The following GMDS variants were observed in gnomAD, a reference collection of about 807,000 sequenced individuals.
GMDS encodes GDP-mannose 4,6-dehydratase, also known as GDP-mannose 4,6 dehydratase.
Under a neutral mutation model 49.9 loss-of-function variants are expected in GMDS, and 20 were observed. The observed-to-expected ratio is 0.40, with a 90% CI of 0.28 to 0.58. GMDS has a LOEUF of 0.58. Ranked by LOEUF, GMDS falls within the 20% of genes least tolerant of loss-of-function variation. The probability of loss-of-function intolerance (pLI) is 0.42; values close to 1 mark genes in which losing one functional copy is unlikely to be tolerated. For missense variants in GMDS, 362 were observed against 481.4 expected, an observed-to-expected ratio of 0.75 and a Z score of 2.32; for synonymous variants, 177 against 178.6, an observed-to-expected ratio of 0.99 and a Z score of 0.07.
intron 9 of GMDS, among the ~76,000 whole-genome samples, chr6:1,670,555 C>A (rs535105753): frequency 6.6e-6 from 1 of 151,796 alleles, no homozygotes; most frequent in South Asian, 2.1e-4. Context: ...TTATCTACAC[C>A]GGGATAAGAC....
At chr6:1,930,929 T>C (rs1762258253) in intron 6 of GMDS, 1 of 152,222 alleles carries the variant, frequency 6.6e-6, no homozygotes, top group South Asian at 2.1e-4. Context: ...CTCCTAAATT[T>C]TGTGTAATAT....
chr6:1,804,399 C>T (rs1770083508), intron 7 of GMDS, among the ~76,000 whole-genome samples: 1 of 152,272 alleles, frequency 6.6e-6, no homozygotes, highest in South Asian at 2.1e-4. Flanking sequence ...CCCCGGCCAT[C>T]CCTGAGGCTC....
chr6:1,650,549 C>A lies in GMDS; in HGVS notation c.988-26009G>T, dbSNP rs146748063. On this transcript the variant is annotated intron_variant, in intron 9 of 10. Coordinates refer to ENST00000380815, the MANE Select transcript of GMDS (RefSeq NM_001500.4). ...AGCACAGAGGAAAAACCCTCTTAACCCTTACTGTCTACTGATTAAACACAT... is the reference window on the plus strand; with the variant it reads ...AGCACAGAGGAAAAACCCTCTTAACACTTACTGTCTACTGATTAAACACAT... Among the ~76,000 whole-genome samples, 59 of 152,236 alleles carry A rather than the reference C, an allele frequency of 3.9e-4. No homozygotes were observed. In the East Asian group the frequency reaches 9.3e-3, roughly 24 times the overall value.
intron 7 of GMDS, among the ~76,000 whole-genome samples, chr6:1,873,736 G>A (rs1758888976): frequency 6.6e-6 from 1 of 152,208 alleles, no homozygotes; most frequent in Non-Finnish European, 1.5e-5. Flanking sequence ...AAGTACTTCA[G>A]TAACGCCAGC....
At position 1,851,956 on chromosome 6, in the gene GMDS, G is replaced by A. The variant is rs560968916; in HGVS notation, c.771+78147C>T. 7.9e-5 allele frequency among the ~76,000 whole-genome samples: 12 copies of A among 152,270 alleles called. No individual in the cohort carries two copies. In the East Asian group the frequency reaches 2.3e-3, roughly 29 times the overall value. On this transcript the variant is annotated intron_variant, in intron 7 of 10. Transcript: ENST00000380815. ...AGCTTCTGTGACCATGGGTACTAACGTCTCAGCACCCTATCACTGGCAGGG... is the reference window on the plus strand; with the variant it reads ...AGCTTCTGTGACCATGGGTACTAACATCTCAGCACCCTATCACTGGCAGGG...
At chr6:2,193,139 A>G (rs1178184255) in intron 1 of GMDS, among the ~76,000 whole-genome samples, 2 of 152,204 alleles carry the variant, frequency 1.3e-5, no homozygotes, top group African/African-American at 4.8e-5. Context: ...GTCCTAAGAC[A>G]CCCAGGACAG....
In GMDS at chr6:2,066,269, G is replaced by A. The variant is rs190173804; in HGVS notation, c.345+49502C>T. Among the ~76,000 whole-genome samples the A allele has an allele frequency of 3.8e-4, 57 of 149,816 alleles. No homozygotes were observed. In the East Asian group the frequency reaches 8.2e-3, roughly 22 times the overall value. The stretch of plus-strand genomic sequence containing the variant: ...CCCTAAAAGAGCTCCTGAAGAAAGC[G>A]CTAAACATGGAAAGGAACAACCGGT... On this transcript the variant is annotated intron_variant, in intron 4 of 10. Transcript: ENST00000380815.
intron 1 of GMDS, among the ~76,000 whole-genome samples, chr6:2,137,333 CTTTTT>C (rs79714655): frequency 7.5e-6 from 1 of 133,512 alleles, no homozygotes. Flanking sequence ...GCTATATTCC[CTTTTT>C]TTTTTTTTTT....
intron 8 of GMDS, among the ~76,000 whole-genome samples, chr6:1,734,898 G>C (rs758986385): frequency 6.6e-6 from 1 of 152,188 alleles, no homozygotes; most frequent in Non-Finnish European, 1.5e-5. Flanking sequence ...ACCAGAGATG[G>C]CTCTCCTCGG....
intron 4 of GMDS, among the ~76,000 whole-genome samples, chr6:1,997,237 C>T (rs964445652): frequency 7.9e-5 from 12 of 151,966 alleles, no homozygotes; most frequent in African/African-American, 2.4e-4. Context: ...TGGCTGGGCA[C>T]GGTGGCTCAT....
chr6:2,234,591 A>T (rs1260119207), intron 1 of GMDS, among the ~76,000 whole-genome samples: 1 of 152,152 alleles, frequency 6.6e-6, no homozygotes, highest in Non-Finnish European at 1.5e-5. Flanking sequence ...CCTGGGCAAT[A>T]AGAGCGAAAC....
At chr6:1,695,392 CAT>C (rs1213384175) in intron 9 of GMDS, among the ~76,000 whole-genome samples, 5 of 152,304 alleles carry the variant, frequency 3.3e-5, no homozygotes, top group Admixed American at 1.3e-4. Flanking sequence ...TCTACAAAAT[CAT>C]AGTTATCTTA....
intron 4 of GMDS, among the ~76,000 whole-genome samples, chr6:2,077,417 T>C (rs184767396): frequency 4.9e-4 from 75 of 152,306 alleles, no homozygotes; most frequent in African/African-American, 1.3e-3. Context: ...AGCTGTGAGT[T>C]TGCCATATAT....
intron 9 of GMDS, among the ~76,000 whole-genome samples, chr6:1,725,010 T>G (rs75052253): frequency 0.011 from 1,627 of 152,372 alleles, 19 homozygotes; most frequent in African/African-American, 0.036. Context: ...AAACAAGACA[T>G]TTTAAAGAGT....
chr6:1,937,817 T>A (rs965788310), intron 6 of GMDS, among the ~76,000 whole-genome samples: 1 of 152,160 alleles, frequency 6.6e-6, no homozygotes, highest in South Asian at 2.1e-4. Flanking sequence ...CAGGTTCAGA[T>A]ATTAGGATGT....
chr6:1,972,198 C>G (rs1214770607), intron 4 of GMDS, among the ~76,000 whole-genome samples: 9 of 150,370 alleles, frequency 6.0e-5, no homozygotes, highest in Admixed American at 6.0e-4. Context: ...AAAATAAATT[C>G]TAATTTGTTC....
chr6:1,963,203 G>T (rs1402859152), intron 4 of GMDS, among the ~76,000 whole-genome samples: 2 of 151,198 alleles, frequency 1.3e-5, no homozygotes, highest in Admixed American at 1.3e-4. Flanking sequence ...TAAAGACAGG[G>T]TCTCACTATG....
intron 4 of GMDS, among the ~76,000 whole-genome samples, chr6:2,029,408 T>C (rs970608981): frequency 5.3e-5 from 8 of 152,228 alleles, no homozygotes. Context: ...CCTTGGGGCA[T>C]TCTGCTATTT....
chr6:1,654,454 G>A (rs1432299961), intron 9 of GMDS, among the ~76,000 whole-genome samples: 1 of 152,176 alleles, frequency 6.6e-6, no homozygotes, highest in Non-Finnish European at 1.5e-5. Context: ...TTTGACACCT[G>A]CTACAACATG....
Sources: gnomAD v4.1 joint callset for allele counts (sites outside exome capture counted in the v4.1 genomes callset) on GRCh38, gnomAD v4.1.1 for gene constraint, MANE v1.5 for transcripts, NCBI Gene and HGNC (gene_info 2026-07-23, HGNC 2026-07-21) for gene names.